FGF1: variants seen among roughly 807,000 people sequenced by gnomAD.
The protein encoded by FGF1 is fibroblast growth factor 1, also known as beta-endothelial cell growth factor.
In FGF1, 9 loss-of-function variants were observed where a neutral mutation model predicts 13.4. The observed-to-expected ratio is 0.67, with a 90% CI of 0.40 to 1.17. FGF1 has a LOEUF of 1.17. FGF1 is among the 50% of genes most tolerant of loss of function. The pLI is 0.01. For missense variants in FGF1, 156 were observed against 192.7 expected, an observed-to-expected ratio of 0.81 and a Z score of 1.13; for synonymous variants, 93 against 79.0, an observed-to-expected ratio of 1.18 and a Z score of -0.94.
At position 142,619,897 on chromosome 5, in the gene FGF1, GA is replaced by G. The variant is rs535223146; in HGVS notation, c.-34-5737del. 1.6e-4 allele frequency among the ~76,000 whole-genome samples: 24 copies of G among 149,916 alleles called. No individual in the cohort carries two copies. The East Asian group carries it at 3.5e-3, about 22-fold the overall frequency. ...GCTATTCCAAAATAATCTAGAAAAA[GA>G]AAAAAAGAAAATAAAGTAAAAAAAT... On this transcript the variant is annotated intron_variant, in intron 1 of 3. Coordinates refer to ENST00000337706, the MANE Select transcript of FGF1 (RefSeq NM_000800.5).
At chr5:142,689,678 G>A (rs1751826376), upstream of FGF1, among the ~76,000 whole-genome samples, 1 of 140,158 alleles carries the variant, frequency 7.1e-6, no homozygotes, top group Non-Finnish European at 1.5e-5. Context: ...ATTCTACTGT[G>A]TTTTCCTCGA....
intron 3 of FGF1, among the ~76,000 whole-genome samples, chr5:142,598,499 T>C (rs898525900): frequency 1.3e-5 from 2 of 152,014 alleles, no homozygotes; most frequent in Non-Finnish European, 2.9e-5. Flanking sequence ...ATATACTTAC[T>C]GTAAAAAAAA....
At chr5:142,646,583 C>T (rs536365856) in intron 1 of FGF1, among the ~76,000 whole-genome samples, 24 of 152,174 alleles carry the variant, frequency 1.6e-4, no homozygotes, top group Non-Finnish European at 2.6e-4. Flanking sequence ...AAACGCCTGA[C>T]CTCATGCTCT....
chr5:142,600,081 A>G (rs1188826673), intron 3 of FGF1, among the ~76,000 whole-genome samples: 2 of 152,242 alleles, frequency 1.3e-5, no homozygotes, highest in South Asian at 2.1e-4. Context: ...TAGGTACTCA[A>G]GAAACATTTT....
chr5:142,631,524 A>G (rs1306620012), intron 1 of FGF1, among the ~76,000 whole-genome samples: 1 of 152,248 alleles, frequency 6.6e-6, no homozygotes, highest in Middle Eastern at 3.4e-3. Context: ...TTCTGAAATT[A>G]TTTCCCCACT....
At chr5:142,604,327 C>T (rs192015361) in intron 2 of FGF1, among the ~76,000 whole-genome samples, 1 of 152,214 alleles carries the variant, frequency 6.6e-6, no homozygotes, top group Admixed American at 6.5e-5. Context: ...AGAGAACCTT[C>T]ACATATACTT....
chr5:142,661,818 A>G (rs1032776826), intron 1 of FGF1, among the ~76,000 whole-genome samples: 4 of 152,148 alleles, frequency 2.6e-5, no homozygotes, highest in Admixed American at 1.3e-4. Flanking sequence ...CCTGGCTAAC[A>G]CGATGAAACC....
rs536969791 is a variant in FGF1 at position 142,654,846 on chromosome 5, G to A, written c.-35+31111C>T. On this transcript the variant is annotated intron_variant, in intron 1 of 3. Transcript: ENST00000337706. Reference sequence around the variant, plus strand: ...GACTGAGAGAGAGAAAGAGGGAGAAGGGGCTTCTCTTCTACCTGCAGGAGG... The same window carrying A: ...GACTGAGAGAGAGAAAGAGGGAGAAAGGGCTTCTCTTCTACCTGCAGGAGG... Among the ~76,000 whole-genome samples, 6 of 152,328 alleles carry A rather than the reference G, an allele frequency of 3.9e-5. No homozygotes were observed. The South Asian group carries it at 1.0e-3, about 26-fold the overall frequency.
In FGF1 at chr5:142,614,053, C is replaced by T. The variant is rs770703997; in HGVS notation, c.75G>A (p.Lys25=). 4.2e-5 allele frequency: 67 copies of T among 1,614,054 alleles called. 1 individual carries two copies. The highest frequency in any genetic ancestry group is 5.0e-5 in the Non-Finnish European group (59 of 1,180,026). Reference sequence around the variant, plus strand: ...CGTTGCTACAGTAGAGGAGTTTGGGCTTCTTGTAATTCCCTGGAGGCAGAT... The same window carrying T: ...CGTTGCTACAGTAGAGGAGTTTGGGTTTCTTGTAATTCCCTGGAGGCAGAT... ...KFNLPPGNYK[K]PKLLYCSNGG... The change falls in exon 2 of 4, where the codon AAG becomes AAA. Residue 25 remains lysine, a synonymous_variant. Transcript: ENST00000337706.
chr5:142,695,191 T>C (rs529995205), intron 2 of FGF1, among the ~76,000 whole-genome samples: 6 of 152,324 alleles, frequency 3.9e-5, no homozygotes, highest in African/African-American at 1.4e-4. Context: ...CGTAGGGTCA[T>C]TGTGAGGATT....
At chr5:142,598,636 C>T (rs1009296945) in intron 3 of FGF1, among the ~76,000 whole-genome samples, 1 of 152,114 alleles carries the variant, frequency 6.6e-6, no homozygotes, top group Non-Finnish European at 1.5e-5. Flanking sequence ...ATCCTTTCCA[C>T]ACACACAAGT....
chr5:142,593,152 T>G lies in FGF1; in HGVS notation c.*2138A>C, dbSNP rs1301019800. 2.0e-5 allele frequency: 3 copies of G among 152,216 alleles called. No individual in the cohort carries two copies. Among genetic ancestry groups the G allele is most frequent in the Non-Finnish European group, 4.4e-5 (3 of 68,038 alleles). The allele number at this position is 152,216 out of a possible 1,614,324, so 9.4% of individuals were successfully genotyped here. On this transcript the variant is annotated 3_prime_UTR_variant, in exon 4 of 4. Transcript: ENST00000337706. ...GTTAGCAATGGTATTTAATTTTCCTTGGCCAATGTTATGCTTGAGTTTGAT... is the reference window on the plus strand; with the variant it reads ...GTTAGCAATGGTATTTAATTTTCCTGGGCCAATGTTATGCTTGAGTTTGAT...
At chr5:142,658,594 GC>G (rs1227213152) in intron 1 of FGF1, among the ~76,000 whole-genome samples, 6 of 152,146 alleles carry the variant, frequency 3.9e-5, no homozygotes, top group African/African-American at 1.4e-4. Flanking sequence ...TTGTAGTGGG[GC>G]TTCACAGGCA....
intron 1 of FGF1, among the ~76,000 whole-genome samples, chr5:142,632,366 G>A (rs1763511864): frequency 6.6e-6 from 1 of 152,130 alleles, no homozygotes; most frequent in Non-Finnish European, 1.5e-5. Context: ...CTGCAGTGTT[G>A]TTCAAAGATA....
chr5:142,646,411 C>T (rs533823470), intron 1 of FGF1, among the ~76,000 whole-genome samples: 35 of 151,256 alleles, frequency 2.3e-4, no homozygotes, highest in African/African-American at 6.8e-4. Context: ...AGTGCAGTGG[C>T]GCGCAATCTC....
chr5:142,659,231 GTTTT>G (rs11340338), intron 1 of FGF1, among the ~76,000 whole-genome samples: 1 of 131,352 alleles, frequency 7.6e-6, no homozygotes, highest in Admixed American at 7.5e-5. Flanking sequence ...TCTTGCGTCA[GTTTT>G]TTTTTTTTTT....
chr5:142,681,397 T>G (rs1410654037), intron 1 of FGF1, among the ~76,000 whole-genome samples: 1 of 152,096 alleles, frequency 6.6e-6, no homozygotes, highest in Non-Finnish European at 1.5e-5. Context: ...TAGCACTCTG[T>G]TTATTTTGTT....
intron 2 of FGF1, among the ~76,000 whole-genome samples, chr5:142,613,367 G>A (rs1337530598): frequency 6.6e-6 from 1 of 152,246 alleles, no homozygotes; most frequent in Non-Finnish European, 1.5e-5. Context: ...GGCGCTAGTC[G>A]CTCCTACTCT....
intron 1 of FGF1, among the ~76,000 whole-genome samples, chr5:142,653,564 A>T (rs1245704736): frequency 6.6e-6 from 1 of 152,058 alleles, no homozygotes; most frequent in South Asian, 2.1e-4. Context: ...TCCTTTGCAC[A>T]CACTCTCCTC....
Sources: allele counts gnomAD v4.1 joint callset (sites outside exome capture counted in the v4.1 genomes callset), GRCh38; gene constraint gnomAD v4.1.1; transcripts MANE v1.5; gene names NCBI Gene and HGNC (gene_info 2026-07-23, HGNC 2026-07-21).